The following PIP5K1B variants were observed in gnomAD, a reference collection of about 807,000 sequenced individuals.
PIP5K1B encodes the protein phosphatidylinositol-4-phosphate 5-kinase type 1 beta, also known as phosphatidylinositol 4-phosphate 5-kinase type-1 beta.
PIP5K1B carries 42 observed loss-of-function variants against 67.0 expected under a neutral mutation model. The ratio of observed to expected loss-of-function variants is 0.63; its 90% CI spans 0.49 to 0.81. The LOEUF (loss-of-function observed/expected upper bound fraction) is 0.81, where lower values mean the gene tolerates loss of function less well. Among genes scored for constraint, PIP5K1B ranks in the 30% least tolerant of loss-of-function variants. PIP5K1B has a pLI of 0.00. For missense variants in PIP5K1B, 459 were observed against 646.3 expected (o/e 0.71, Z 3.14); for synonymous variants, 214 against 231.4 (o/e 0.92, Z 0.68).
intron 4 of PIP5K1B, chr9:68,824,222 AT>A (rs1833872852): frequency 1.9e-6 from 1 of 518,872 alleles, no homozygotes; most frequent in Non-Finnish European, 3.8e-6. Context: ...TTCAGGTGGT[AT>A]TCTCAATCAG....
At chr9:68,761,217 A>G (rs1346537312) in intron 2 of PIP5K1B, among the ~76,000 whole-genome samples, 1 of 152,098 alleles carries the variant, frequency 6.6e-6, no homozygotes, top group Non-Finnish European at 1.5e-5. Context: ...AAATGGAATG[A>G]ATCTTGCATG....
chr9:69,006,668 C>G (rs1831096801), intron 15 of PIP5K1B, among the ~76,000 whole-genome samples: 2 of 151,922 alleles, frequency 1.3e-5, no homozygotes, highest in Admixed American at 6.6e-5. Context: ...GCTCCAGGGC[C>G]CTTCACTGGT....
Position 68,940,732 on chromosome 9 carries a change from T to G in PIP5K1B, c.1444T>G (p.Ser482Ala), listed in dbSNP as rs1432909863. 1 of 1,613,886 alleles carries G rather than the reference T, an allele frequency of 6.2e-7. No individual in the cohort carries two copies. The highest frequency in any genetic ancestry group is 1.7e-5 in the Admixed American group (1 of 60,000). ...AASLATTISS[S>A]SLYVNEHYPH... ...TTCCTTGGCAACCACAATTTCATCT[T>G]CTTCCTTATACGTCAATGAGCACTA... is the stretch of plus-strand genomic sequence containing the variant. The change falls in exon 14 of 16, where the codon TCT becomes GCT. Residue 482 changes from serine (S) to alanine (A), a missense_variant. Coordinates refer to ENST00000265382, the MANE Select transcript of PIP5K1B (RefSeq NM_003558.4).
chr9:68,938,714 A>G (rs1199089379), intron 13 of PIP5K1B, among the ~76,000 whole-genome samples: 1 of 152,148 alleles, frequency 6.6e-6, no homozygotes, highest in African/African-American at 2.4e-5. Flanking sequence ...AAGCTCATTC[A>G]TGTTGTCGGC....
At chr9:68,785,359 C>T (rs893187119) in intron 2 of PIP5K1B, among the ~76,000 whole-genome samples, 1 of 152,082 alleles carries the variant, frequency 6.6e-6, no homozygotes, top group African/African-American at 2.4e-5. Flanking sequence ...CAGTTTTGCC[C>T]ACATTTTTCA....
intron 12 of PIP5K1B, among the ~76,000 whole-genome samples, chr9:68,933,727 A>C (rs977687677): frequency 1.3e-5 from 2 of 152,194 alleles, no homozygotes; most frequent in Admixed American, 1.3e-4. Context: ...AAAGCCCTCC[A>C]CAAATGTTAT....
chr9:68,874,746 A>T (rs3763607), intron 5 of PIP5K1B, among the ~76,000 whole-genome samples: 9,082 of 152,244 alleles, frequency 0.06, 540 homozygotes, highest in African/African-American at 0.15. Flanking sequence ...CTCCAGTAGA[A>T]TGAGTTACTT....
At chr9:68,856,537 T>C (rs1822787795) in intron 4 of PIP5K1B, among the ~76,000 whole-genome samples, 2 of 152,214 alleles carry the variant, frequency 1.3e-5, no homozygotes, top group Admixed American at 6.5e-5. Context: ...ACCTCAATTA[T>C]TTCACGCTGT....
chr9:68,735,430 G>A (rs578111004), intron 1 of PIP5K1B, among the ~76,000 whole-genome samples: 226 of 147,356 alleles, frequency 1.5e-3, no homozygotes, highest in African/African-American at 5.5e-3. Context: ...GGCTCCTCTG[G>A]GTTATAAGTT....
intron 4 of PIP5K1B, among the ~76,000 whole-genome samples, chr9:68,850,788 CAAAT>C (rs1822444626): frequency 6.6e-6 from 1 of 152,086 alleles, no homozygotes; most frequent in Non-Finnish European, 1.5e-5. Flanking sequence ...ATATTTATAT[CAAAT>C]AAATAACAAT....
chr9:68,891,455 T>TA lies in PIP5K1B; in HGVS notation c.471+2328dup, dbSNP rs1276516729. Among the ~76,000 whole-genome samples, 301 of 150,588 alleles carry TA rather than the reference T, an allele frequency of 2.0e-3. 1 individual carries two copies. Among genetic ancestry groups the TA allele is most frequent in the African/African-American group, 5.6e-3 (230 of 41,036 alleles). On this transcript the variant is annotated intron_variant, in intron 7 of 15. Transcript: ENST00000265382. ...ATTGGCAGGGGAGTTTTTTTTTTTT[T>TA]AAAAAATGATAAATAAATCAATGAT...
At chr9:68,741,905 G>A (rs1231928044) in intron 1 of PIP5K1B, among the ~76,000 whole-genome samples, 1 of 152,178 alleles carries the variant, frequency 6.6e-6, no homozygotes, top group African/African-American at 2.4e-5. Flanking sequence ...GGGAGAACCA[G>A]GGTAGGTTAT....
intron 14 of PIP5K1B, among the ~76,000 whole-genome samples, chr9:68,953,895 G>C (rs1290428672): frequency 6.6e-6 from 1 of 151,500 alleles, no homozygotes; most frequent in African/African-American, 2.4e-5. Context: ...GAGCTGGTCA[G>C]ACTCCCTATA....
At chr9:68,810,446 C>T (rs1054912593) in intron 2 of PIP5K1B, among the ~76,000 whole-genome samples, 8 of 152,198 alleles carry the variant, frequency 5.3e-5, no homozygotes, top group African/African-American at 1.9e-4. Flanking sequence ...TGTTGCTTCA[C>T]TTTATCAGTG....
intron 2 of PIP5K1B, chr9:68,789,453 C>A: frequency 2.0e-6 from 1 of 502,506 alleles, no homozygotes; most frequent in Non-Finnish European, 4.1e-6. Context: ...GGGGAGACCT[C>A]CATCTGGATC....
rs541820057 is a variant in PIP5K1B at position 68,920,922 on chromosome 9, A to G, written c.1116+1193A>G. ...TAACTTGAAGTAGCAATTCCAAAGAATATTTTGGTCAAGGATTTGGTCACA... is the reference window on the plus strand; with the variant it reads ...TAACTTGAAGTAGCAATTCCAAAGAGTATTTTGGTCAAGGATTTGGTCACA... On this transcript the variant is annotated intron_variant, in intron 11 of 15. Coordinates refer to ENST00000265382, the MANE Select transcript of PIP5K1B (RefSeq NM_003558.4). Among the ~76,000 whole-genome samples, 92 of 152,288 alleles carry G rather than the reference A, an allele frequency of 6.0e-4. 1 individual carries two copies. The highest frequency in any genetic ancestry group is 2.2e-3 in the African/African-American group (90 of 41,552).
chr9:68,906,865 CAG>C (rs1297546371), intron 8 of PIP5K1B, among the ~76,000 whole-genome samples: 2 of 152,022 alleles, frequency 1.3e-5, no homozygotes, highest in Non-Finnish European at 2.9e-5. Flanking sequence ...TCTTTAGACA[CAG>C]AGATTCTCCA....
intron 4 of PIP5K1B, among the ~76,000 whole-genome samples, chr9:68,841,463 C>T (rs1293851437): frequency 2.0e-5 from 3 of 152,256 alleles, no homozygotes; most frequent in South Asian, 4.1e-4. Flanking sequence ...AAAATCTCTA[C>T]GTGGGGTATA....
intron 5 of PIP5K1B, among the ~76,000 whole-genome samples, chr9:68,865,183 T>C (rs1264412478): frequency 2.0e-5 from 3 of 152,152 alleles, no homozygotes; most frequent in South Asian, 2.1e-4. Context: ...GAGAACCAGA[T>C]TCCAGGCAGA....
Sources: allele counts gnomAD v4.1 joint callset (sites outside exome capture counted in the v4.1 genomes callset), GRCh38; gene constraint gnomAD v4.1.1; transcripts MANE v1.5; gene names NCBI Gene and HGNC (gene_info 2026-07-23, HGNC 2026-07-21).